SPHKAP: variants seen among roughly 807,000 people sequenced by gnomAD.
SPHKAP encodes the protein A-kinase anchor protein SPHKAP.
Under a neutral mutation model 137.5 loss-of-function variants are expected in SPHKAP, and 67 were observed. The ratio of observed to expected loss-of-function variants is 0.49; its 90% CI spans 0.40 to 0.60. The LOEUF is 0.60. SPHKAP is among the 20% of genes least tolerant of loss of function. The pLI is 0.00. For synonymous variants in SPHKAP, 813 were observed against 785.3 expected, an observed-to-expected ratio of 1.04 and a Z score of -0.59; for missense variants, 2,097 against 2,069.3, an observed-to-expected ratio of 1.01 and a Z score of -0.26.
At chr2:228,091,113 C>T (rs1049684099) in intron 3 of SPHKAP, among the ~76,000 whole-genome samples, 2 of 151,990 alleles carry the variant, frequency 1.3e-5, no homozygotes, top group African/African-American at 4.8e-5. Context: ...GAATAAGAGA[C>T]ACAGTGGAGT....
At position 228,127,755 on chromosome 2, in the gene SPHKAP, T is replaced by C. The variant is rs752693692; in HGVS notation, c.138+4225A>G. On this transcript the variant is annotated intron_variant, in intron 2 of 11. Transcript: ENST00000392056. ...AATATCTGTTTTCTATGGATTTATA[T>C]AGGCACATCTCAGAGATATTGTGGA... Among the ~76,000 whole-genome samples, 5 of 152,290 alleles carry C rather than the reference T, an allele frequency of 3.3e-5. No homozygotes were observed. The East Asian group carries it at 7.7e-4, about 23-fold the overall frequency.
intron 2 of SPHKAP, among the ~76,000 whole-genome samples, chr2:228,112,314 A>C (rs2106351945): frequency 6.6e-6 from 1 of 152,342 alleles, no homozygotes; most frequent in Middle Eastern, 3.4e-3. Flanking sequence ...ATAATGTCTT[A>C]CAATGCAGTT....
intron 7 of SPHKAP, among the ~76,000 whole-genome samples, chr2:228,009,598 G>A (rs190651546): frequency 2.6e-5 from 4 of 152,108 alleles, no homozygotes; most frequent in Admixed American, 6.6e-5. Context: ...TCTTCTTTGT[G>A]TAGCATTTTT....
At chr2:228,023,413 C>G (rs1202237318) in intron 5 of SPHKAP, among the ~76,000 whole-genome samples, 2 of 152,184 alleles carry the variant, frequency 1.3e-5, no homozygotes, top group Admixed American at 1.3e-4. Flanking sequence ...CAATCAGAAT[C>G]TGCATTTCCA....
chr2:228,132,651 CAAATCTTCTT>C, intron 1 of SPHKAP: 1 of 191,590 alleles, frequency 5.2e-6, no homozygotes, highest in South Asian at 1.8e-4. Flanking sequence ...CTGTCTCTGT[CAAATCTTCTT>C]AATGGGCTTG....
At chr2:228,118,977 AAAAT>A (rs753292895) in intron 2 of SPHKAP, among the ~76,000 whole-genome samples, 16 of 152,214 alleles carry the variant, frequency 1.1e-4, no homozygotes, top group Non-Finnish European at 1.8e-4. Flanking sequence ...AACTACTATG[AAAAT>A]AAATAACTAT....
At chr2:228,102,727 A>T (rs936019755) in intron 3 of SPHKAP, among the ~76,000 whole-genome samples, 1 of 151,822 alleles carries the variant, frequency 6.6e-6, no homozygotes, top group Non-Finnish European at 1.5e-5. Context: ...TTACTAAAAA[A>T]GTTCCTCAAT....
intron 3 of SPHKAP, among the ~76,000 whole-genome samples, chr2:228,036,897 G>T (rs1018094878): frequency 4.6e-5 from 7 of 151,962 alleles, no homozygotes; most frequent in Admixed American, 4.6e-4. Flanking sequence ...GTGGGAGGAG[G>T]GGGGAGGGAT....
At chr2:228,080,554 A>G (rs1471519889) in intron 3 of SPHKAP, among the ~76,000 whole-genome samples, 1 of 152,058 alleles carries the variant, frequency 6.6e-6, no homozygotes, top group African/African-American at 2.4e-5. Flanking sequence ...AAAAGTACAA[A>G]AAATTAGCTG....
chr2:228,111,996 AC>A (rs1698532535), intron 2 of SPHKAP, among the ~76,000 whole-genome samples: 1 of 152,124 alleles, frequency 6.6e-6, no homozygotes, highest in African/African-American at 2.4e-5. Flanking sequence ...AAGAGAGGAA[AC>A]TTTTTGTGAT....
chr2:228,084,380 G>T lies in SPHKAP; in HGVS notation c.246+24452C>A, dbSNP rs139331232. Among the ~76,000 whole-genome samples, 921 of 152,194 alleles carry T rather than the reference G, an allele frequency of 6.1e-3. 15 individuals carry two copies. Among genetic ancestry groups the T allele is most frequent in the African/African-American group, 0.021 (862 of 41,528 alleles). On this transcript the variant is annotated intron_variant, in intron 3 of 11. Coordinates refer to ENST00000392056, the MANE Select transcript of SPHKAP (RefSeq NM_001142644.2). ...GGTCATCTCTGCACAACTGAAAATC[G>T]CTAAGTCTAAAGGCTGCATAAATTT...
intron 2 of SPHKAP, among the ~76,000 whole-genome samples, chr2:228,119,539 T>C (rs182546935): frequency 3.0e-4 from 45 of 150,042 alleles, no homozygotes; most frequent in Non-Finnish European, 2.4e-4. Context: ...ATTTTATACA[T>C]TTAACTTCAT....
chr2:228,101,877 T>A (rs1057314623), intron 3 of SPHKAP, among the ~76,000 whole-genome samples: 1 of 152,178 alleles, frequency 6.6e-6, no homozygotes, highest in Non-Finnish European at 1.5e-5. Flanking sequence ...GGATCAGTAG[T>A]CATACATTTA....
chr2:228,074,302 T>TA (rs1354064165), intron 3 of SPHKAP, among the ~76,000 whole-genome samples: 1 of 152,232 alleles, frequency 6.6e-6, no homozygotes, highest in African/African-American at 2.4e-5. Flanking sequence ...GCCCACGTAT[T>TA]AGTCTGTTTT....
intron 1 of SPHKAP, among the ~76,000 whole-genome samples, chr2:228,172,734 G>C (rs1700621280): frequency 6.6e-6 from 1 of 152,112 alleles, no homozygotes; most frequent in Non-Finnish European, 1.5e-5. Flanking sequence ...GACTGGCTTG[G>C]GGCTCTGCTC....
intron 3 of SPHKAP, among the ~76,000 whole-genome samples, chr2:228,078,991 G>A (rs1462109333): frequency 6.6e-6 from 1 of 152,072 alleles, no homozygotes; most frequent in East Asian, 1.9e-4. Context: ...CTCAGTGTTT[G>A]GGCCTCTGCA....
chr2:228,017,318 C>A lies in SPHKAP; in HGVS notation c.3536G>T (p.Ser1179Ile). Reference sequence around the variant, plus strand: ...TGTGCTGGACTGCTTAGAGGGACAGCTAGGCCTCACACTGAGGTGGTCACT... The same window carrying A: ...TGTGCTGGACTGCTTAGAGGGACAGATAGGCCTCACACTGAGGTGGTCACT... ...RKSDHLSVRP[S>I]CPSKQSSTES... Residue 1179 changes from serine to isoleucine, a missense_variant, in exon 7 of 12, where the codon AGC (serine) becomes ATC (isoleucine). Transcript: ENST00000392056. 6.2e-7 allele frequency: 1 copy of A among 1,613,838 alleles called. No homozygotes were observed. The highest frequency in any genetic ancestry group is 8.5e-7 in the Non-Finnish European group (1 of 1,179,902).
chr2:228,060,212 G>A (rs924401460), intron 3 of SPHKAP, among the ~76,000 whole-genome samples: 1 of 152,098 alleles, frequency 6.6e-6, no homozygotes, highest in Non-Finnish European at 1.5e-5. Flanking sequence ...AATAAATTCT[G>A]TATTCAATAC....
intron 3 of SPHKAP, among the ~76,000 whole-genome samples, chr2:228,091,300 A>G (rs1009160078): frequency 5.3e-5 from 8 of 152,240 alleles, no homozygotes; most frequent in African/African-American, 1.9e-4. Context: ...CTAAGACCTC[A>G]AACTATGAAA....
Sources: allele counts gnomAD v4.1 joint callset (sites outside exome capture counted in the v4.1 genomes callset), GRCh38; gene constraint gnomAD v4.1.1; transcripts MANE v1.5; gene names NCBI Gene and HGNC (gene_info 2026-07-23, HGNC 2026-07-21).